RIPOR2: variants seen among roughly 807,000 people sequenced by gnomAD.
RIPOR2 encodes RHO family interacting cell polarization regulator 2.
Under a neutral mutation model 114.5 loss-of-function variants are expected in RIPOR2, and 39 were observed. The ratio of observed to expected loss-of-function variants is 0.34; its 90% CI spans 0.26 to 0.44. The LOEUF (loss-of-function observed/expected upper bound fraction) is 0.44, where lower values mean the gene tolerates loss of function less well. Ranked by LOEUF, RIPOR2 falls within the 20% of genes least tolerant of loss-of-function variation. RIPOR2 has a pLI of 1.00. For missense variants in RIPOR2, 1,007 were observed against 1,255.1 expected (o/e 0.80, Z 2.99); for synonymous variants, 445 against 484.4 (o/e 0.92, Z 1.07).
intron 1 of RIPOR2, among the ~76,000 whole-genome samples, chr6:24,982,398 G>A (rs1297775609): frequency 6.6e-6 from 1 of 152,174 alleles, no homozygotes; most frequent in Non-Finnish European, 1.5e-5. Flanking sequence ...AATTAATTTA[G>A]TGCAGATTTC....
At chr6:25,022,042 T>C (rs946873133) in intron 1 of RIPOR2, among the ~76,000 whole-genome samples, 1 of 152,232 alleles carries the variant, frequency 6.6e-6, no homozygotes, top group African/African-American at 2.4e-5. Flanking sequence ...TATGTAGAAA[T>C]GAACCCATCA....
chr6:24,911,696 C>A (rs558770441), intron 1 of RIPOR2, among the ~76,000 whole-genome samples: 1 of 152,094 alleles, frequency 6.6e-6, no homozygotes, highest in Non-Finnish European at 1.5e-5. Flanking sequence ...GCCTGATAGA[C>A]AGACATTCCC....
At chr6:25,041,922 A>T (rs935240290) in exon 1 of RIPOR2, 11 of 702,700 alleles carry the variant, frequency 1.6e-5, no homozygotes, top group Non-Finnish European at 2.3e-5. Context: ...CGAAGGTAAC[A>T]CCATGGTCCC....
At chr6:24,863,145 G>A (rs550290190) in intron 7 of RIPOR2, among the ~76,000 whole-genome samples, 4 of 151,982 alleles carry the variant, frequency 2.6e-5, no homozygotes, top group Non-Finnish European at 5.9e-5. Flanking sequence ...TAGAGACGGG[G>A]TTTTGCTATG....
rs1759389844 is a variant in RIPOR2 at position 24,818,639 on chromosome 6, A to AG, written c.2869-15dup. On this transcript the variant is annotated splice_polypyrimidine_tract_variant and intron_variant, in intron 19 of 21. Transcript: ENST00000643898. ...ATAGAGCAAGGCCTGAAAGAGAAGGAGGGACCTCATGAAGGCATTTTGGTT... is the reference window on the plus strand; with the variant it reads ...ATAGAGCAAGGCCTGAAAGAGAAGGAGGGGACCTCATGAAGGCATTTTGGTT... 1 of 1,527,772 alleles carries AG rather than the reference A, an allele frequency of 6.5e-7. No homozygotes were observed. Among genetic ancestry groups the AG allele is most frequent in the South Asian group, 1.2e-5 (1 of 81,760 alleles). The allele number at this position is 1,527,772 out of a possible 1,614,324, so 94.6% of individuals were successfully genotyped here.
intron 1 of RIPOR2, among the ~76,000 whole-genome samples, chr6:24,930,800 A>G (rs759213549): frequency 7.2e-5 from 11 of 152,228 alleles, no homozygotes; most frequent in Non-Finnish European, 7.3e-5. Flanking sequence ...AGAGTGACCA[A>G]TTCTTTTCAA....
chr6:24,828,347 CATT>C (rs2113673830), intron 17 of RIPOR2, 52 bp from the exon 18 acceptor site: 2 of 1,264,608 alleles, frequency 1.6e-6, no homozygotes, highest in Admixed American at 3.3e-5. Flanking sequence ...ACCATTCATT[CATT>C]CATTCATTCA....
chr6:24,956,372 G>T (rs1773044011), intron 1 of RIPOR2, among the ~76,000 whole-genome samples: 1 of 152,012 alleles, frequency 6.6e-6, no homozygotes. Context: ...TATTTTAAAA[G>T]CAGTGTATGC....
chr6:25,036,262 T>C (rs149735931), intron 1 of RIPOR2, among the ~76,000 whole-genome samples: 29 of 152,370 alleles, frequency 1.9e-4, no homozygotes, highest in African/African-American at 6.7e-4. Context: ...ATATCAGCTT[T>C]GTCACTGTTG....
chr6:24,970,895 A>ATT (rs11454000), intron 1 of RIPOR2, among the ~76,000 whole-genome samples: 4 of 151,922 alleles, frequency 2.6e-5, no homozygotes, highest in African/African-American at 9.7e-5. Context: ...CATTGCACAA[A>ATT]TTTTTTTAAC....
intron 1 of RIPOR2, among the ~76,000 whole-genome samples, chr6:24,881,968 C>T (rs908947399): frequency 2.6e-5 from 4 of 152,180 alleles, no homozygotes; most frequent in Non-Finnish European, 5.9e-5. Flanking sequence ...GAAGAATTTG[C>T]ACCTCCTTGG....
upstream of RIPOR2, among the ~76,000 whole-genome samples, chr6:24,937,880 C>T (rs563875145): frequency 1.3e-5 from 2 of 152,306 alleles, no homozygotes; most frequent in South Asian, 4.1e-4. Context: ...GTCCAGTTCA[C>T]TGCAGCATCC....
At chr6:24,873,073 G>A in intron 3 of RIPOR2, 114 bp from the exon 4 acceptor site, 2 of 702,298 alleles carry the variant, frequency 2.8e-6, no homozygotes, top group South Asian at 3.5e-5. Flanking sequence ...TTGCTCTGTA[G>A]TTGGGCAGGA....
rs28385634 is a variant in RIPOR2, at chr6:24,873,223, G to T, written c.345-264C>A. Among the ~76,000 whole-genome samples the T allele has an allele frequency of 0.095, 14,410 of 152,264 alleles. 801 individuals are homozygous for T. Among genetic ancestry groups the T allele is most frequent in the African/African-American group, 0.16 (6,701 of 41,534 alleles). ...ACCAGTGGGGAGGCAAGGGGCAAGA[G>T]GTCTGTAGAGTCAGCCCTGGCTCTG... On this transcript the variant is annotated intron_variant, in intron 3 of 21. Transcript: ENST00000643898.
intron 18 of RIPOR2, 124 bp from the exon 19 acceptor site, chr6:24,825,552 A>T: frequency 1.5e-6 from 1 of 666,038 alleles, no homozygotes; most frequent in South Asian, 1.9e-5. Context: ...ACATATGAAA[A>T]ATTAGCATCT....
intron 13 of RIPOR2, chr6:24,840,532 G>A (rs754482894): frequency 7.7e-6 from 11 of 1,433,302 alleles, no homozygotes; most frequent in Non-Finnish European, 1.0e-5. Flanking sequence ...GGTCGAATGG[G>A]ACAAATTCTG....
chr6:24,835,866 C>G lies in RIPOR2; in HGVS notation c.2045G>C (p.Arg682Thr). The G allele has an allele frequency of 1.9e-6, 3 of 1,551,530 alleles. No individual in the cohort carries two copies. The highest frequency in any genetic ancestry group is 2.6e-6 in the Non-Finnish European group (3 of 1,146,962). ...SDTETEKHSY[R>T]SVHPEARGHL... Reference sequence around the variant, plus strand: ...CCCCCTGGCTTCTGGGTGAACCGACCTGTAACTATTGAAGGTGGGCAAAAC... The same window carrying G: ...CCCCCTGGCTTCTGGGTGAACCGACGTGTAACTATTGAAGGTGGGCAAAAC... The change falls in exon 15 of 22, where the codon AGG becomes ACG. Residue 682 changes from arginine (R) to threonine (T), a missense_variant. Arg to Thr is a moderately conservative substitution (Grantham distance 71). Transcript: ENST00000643898.
At chr6:24,829,455 C>T (rs1760476497) in intron 17 of RIPOR2, among the ~76,000 whole-genome samples, 1 of 152,086 alleles carries the variant, frequency 6.6e-6, no homozygotes, top group African/African-American at 2.4e-5. Flanking sequence ...GACTGAAACC[C>T]TGTCTCTACT....
At chr6:24,829,843 A>G (rs1760514252) in intron 17 of RIPOR2, among the ~76,000 whole-genome samples, 1 of 152,210 alleles carries the variant, frequency 6.6e-6, no homozygotes. Flanking sequence ...TAGGGGGTAT[A>G]TTGAGCTTTA....
Sources: gnomAD v4.1 joint callset for allele counts (sites outside exome capture counted in the v4.1 genomes callset) on GRCh38, gnomAD v4.1.1 for gene constraint, MANE v1.5 for transcripts, NCBI Gene and HGNC (gene_info 2026-07-23, HGNC 2026-07-21) for gene names.